ZNF107: variants seen among roughly 807,000 people sequenced by gnomAD.
ZNF107 encodes the protein C2H2 type zinc-finger protein.
ZNF107 carries 19 observed loss-of-function variants against 12.3 expected under a neutral mutation model. The ratio of observed to expected loss-of-function variants is 1.55; its 90% CI spans 1.08 to 2.27. The LOEUF (loss-of-function observed/expected upper bound fraction) is 2.27, where lower values mean the gene tolerates loss of function less well. Among genes scored for constraint, ZNF107 ranks in the 30% most tolerant of loss-of-function variants. The pLI is 0.00. For missense variants in ZNF107, 958 were observed against 979.9 expected, an observed-to-expected ratio of 0.98 and a Z score of 0.30; for synonymous variants, 317 against 330.5, an observed-to-expected ratio of 0.96 and a Z score of 0.44.
rs539431495 is a variant in ZNF107 at position 64,692,619 on chromosome 7, G to A, written c.226+659G>A. ...TATAGATCACTTTGGAAAACATGGT[G>A]CTTTATCAATATTTATTATTTCAAT... is the stretch of plus-strand genomic sequence containing the variant. On this transcript the variant is annotated intron_variant, in intron 3 of 3. Transcript: ENST00000620827. Among the ~76,000 whole-genome samples the A allele has an allele frequency of 1.2e-3, 176 of 151,954 alleles. 1 individual carries two copies. The highest frequency in any genetic ancestry group is 2.3e-3 in the Admixed American group (35 of 15,268).
At chr7:64,671,958 T>G (rs1158244995) in intron 1 of ZNF107, among the ~76,000 whole-genome samples, 2 of 151,936 alleles carry the variant, frequency 1.3e-5, no homozygotes, top group Non-Finnish European at 1.5e-5. Flanking sequence ...AATTTTTTTT[T>G]GTATTTTTTA....
chr7:64,671,023 T>C (rs73361877), intron 1 of ZNF107, among the ~76,000 whole-genome samples: 7,132 of 152,218 alleles, frequency 0.047, 449 homozygotes, highest in African/African-American at 0.14. Context: ...TGTTAAACAA[T>C]GTGTTAGTTT....
At chr7:64,679,924 C>G (rs1278814272) in intron 1 of ZNF107, among the ~76,000 whole-genome samples, 1 of 152,066 alleles carries the variant, frequency 6.6e-6, no homozygotes, top group Admixed American at 6.6e-5. Context: ...CTCAAATTCT[C>G]CTTCTGTCCC....
At chr7:64,684,804 T>C (rs751086582) in intron 1 of ZNF107, 82 of 874,722 alleles carry the variant, frequency 9.4e-5, no homozygotes, top group Non-Finnish European at 1.1e-4. Flanking sequence ...TCACTCTTTA[T>C]CTATCCCTCC....
rs1370431159 is a variant in ZNF107 at position 64,707,775 on chromosome 7, A to C, written c.1678A>C (p.Thr560Pro). The C allele has an allele frequency of 6.2e-7, 1 of 1,611,848 alleles. No individual in the cohort carries two copies. Among genetic ancestry groups the C allele is most frequent in the Non-Finnish European group, 8.5e-7 (1 of 1,179,412 alleles). Residue 560 changes from threonine to proline, a missense_variant, in exon 4 of 4, where the codon ACT becomes CCT. Coordinates refer to ENST00000620827, the MANE Select transcript of ZNF107 (RefSeq NM_001282359.2). ...CCTTACTAAACATAAGAGAATTCAT[A>C]CTGGAGAAAAACCCTATAAATGTGA... ...STLTKHKRIH[T>P]GEKPYKCEEC...
intron 1 of ZNF107, among the ~76,000 whole-genome samples, chr7:64,666,892 C>T (rs1789027042): frequency 2.8e-5 from 4 of 141,812 alleles, no homozygotes; most frequent in Non-Finnish European, 6.0e-5. Flanking sequence ...GGTAGAGTTA[C>T]GTAGTTTCTT....
intron 3 of ZNF107, among the ~76,000 whole-genome samples, chr7:64,695,778 G>A (rs559334598): frequency 3.3e-5 from 5 of 152,226 alleles, no homozygotes; most frequent in Admixed American, 6.5e-5. Context: ...TGTGTTTAAC[G>A]ATGAATTTAT....
chr7:64,687,199 A>G (rs1490520075), intron 1 of ZNF107: 1 of 986,140 alleles, frequency 1.0e-6, no homozygotes, highest in Non-Finnish European at 1.2e-6. Flanking sequence ...TTACTATCCC[A>G]TGGTGTCTGT....
At chr7:64,679,433 A>G (rs939013005) in intron 1 of ZNF107, 108 of 916,388 alleles carry the variant, frequency 1.2e-4, no homozygotes, top group Non-Finnish European at 1.3e-4. Context: ...GTCATGGATT[A>G]TCTCTGGGAA....
At chr7:64,680,866 G>A (rs1175157635) in intron 1 of ZNF107, among the ~76,000 whole-genome samples, 3 of 152,174 alleles carry the variant, frequency 2.0e-5, no homozygotes, top group East Asian at 1.9e-4. Context: ...TGCCTCCGCC[G>A]TAAGACGAAC....
rs1197865184 is a variant in ZNF107, at chr7:64,666,161, C to T, written c.-122C>T. 1 of 1,381,498 alleles carries T rather than the reference C, an allele frequency of 7.2e-7. No individual in the cohort carries two copies. The highest frequency in any genetic ancestry group is 1.8e-4 in the Middle Eastern group (1 of 5,438). The allele number at this position is 1,381,498 out of a possible 1,614,324, so 85.6% of individuals were successfully genotyped here. On this transcript the variant is annotated 5_prime_UTR_variant, in exon 1 of 4. Transcript: ENST00000620827. The stretch of plus-strand genomic sequence containing the variant: ...TTTGTCTCTGGCTGCAGCCGGAGCT[C>T]CTGCTCTCCTCCTCACTGCTCAGTG...
chr7:64,711,571 T>A lies in ZNF107; in HGVS notation c.*2915T>A, dbSNP rs74298837. ...AAATTCTGAGTTCTGAATAAACATT[T>A]AAAAAATGTTATATATTTTTCTTTG... On this transcript the variant is annotated 3_prime_UTR_variant, in exon 4 of 4. Transcript: ENST00000620827. The A allele has an allele frequency of 2.0e-5, 3 of 152,014 alleles. No individual in the cohort carries two copies. Among genetic ancestry groups the A allele is most frequent in the Non-Finnish European group, 4.4e-5 (3 of 68,026 alleles). 9.4% of individuals were successfully genotyped at this position (152,014 alleles called of 1,614,324 possible).
Position 64,707,124 on chromosome 7 carries a change from T to C in ZNF107, c.1027T>C (p.Cys343Arg), listed in dbSNP as rs10266866. Residue 343 changes from cysteine to arginine, a missense_variant, in exon 4 of 4, where the codon TGT becomes CGT. By Grantham distance (180) the Cys-to-Arg change is radical. Coordinates refer to ENST00000620827, the MANE Select transcript of ZNF107 (RefSeq NM_001282359.2). ...TCATGCTGGGGAGAAACCCTACAAA[T>C]GTAAAGAATGTGGCAGAGCTTTTAA... ...RIHAGEKPYK[C>R]KECGRAFNIS... 6.2e-7 allele frequency: 1 copy of C among 1,613,414 alleles called. No homozygotes were observed. The highest frequency in any genetic ancestry group is 8.5e-7 in the Non-Finnish European group (1 of 1,179,762).
chr7:64,707,216 A>G lies in ZNF107; in HGVS notation c.1119A>G (p.Glu373=). The change falls in exon 4 of 4, where the codon GAA becomes GAG. Residue 373 remains glutamate, a synonymous_variant. Transcript: ENST00000620827. The part of the protein sequence containing the change: ...HTGGKLNKCE[E]CDKAFNRSLK... ...GAGGGAAACTCAACAAATGTGAAGA[A>G]TGTGACAAAGCTTTTAACCGATCCT... is the stretch of plus-strand genomic sequence containing the variant. 1 of 1,613,726 alleles carries G rather than the reference A, an allele frequency of 6.2e-7. No individual in the cohort carries two copies. The highest frequency in any genetic ancestry group is 8.5e-7 in the Non-Finnish European group (1 of 1,179,802).
intron 1 of ZNF107, among the ~76,000 whole-genome samples, chr7:64,670,307 G>A (rs771596193): frequency 6.6e-6 from 1 of 151,958 alleles, no homozygotes; most frequent in Non-Finnish European, 1.5e-5. Flanking sequence ...AGCAAAGAAG[G>A]TTAGAAAGAA....
In ZNF107 at chr7:64,709,451, T is replaced by G. The variant is rs1790812235; in HGVS notation, c.*795T>G. The G allele has an allele frequency of 2.9e-6, 1 of 342,928 alleles. No individual in the cohort carries two copies. The highest frequency in any genetic ancestry group is 2.2e-5 in the African/African-American group (1 of 45,720). 21.2% of individuals were successfully genotyped at this position (342,928 alleles called of 1,614,324 possible). On this transcript the variant is annotated 3_prime_UTR_variant, in exon 4 of 4. Transcript: ENST00000620827. ...CTAAACATAAGATAATACTGAAAACTTTACAAACCTGAATGATGTGACAAT... is the reference window on the plus strand; with the variant it reads ...CTAAACATAAGATAATACTGAAAACGTTACAAACCTGAATGATGTGACAAT...
intron 3 of ZNF107, among the ~76,000 whole-genome samples, chr7:64,696,265 C>T (rs1008485895): frequency 9.9e-5 from 15 of 152,150 alleles, no homozygotes; most frequent in African/African-American, 3.6e-4. Flanking sequence ...GCTGGCCAGG[C>T]TGGTCTCGAA....
rs1359931016 is a variant in ZNF107, at chr7:64,684,791, TACTC to T, written c.4-6452_4-6449del. On this transcript the variant is annotated intron_variant, in intron 1 of 3. Transcript: ENST00000620827. Reference sequence around the variant, plus strand: ...GATGAGACGCCTCTGTTTACCTTCCTACTCACTCTTTATCTATCCCTCCTGCTCC... The same window carrying T: ...GATGAGACGCCTCTGTTTACCTTCCTACTCTTTATCTATCCCTCCTGCTCC... 6 of 922,090 alleles carry T rather than the reference TACTC, an allele frequency of 6.5e-6. No homozygotes were observed. The Admixed American group carries it at 2.5e-4, about 38-fold the overall frequency. 57.1% of individuals were successfully genotyped at this position (922,090 alleles called of 1,614,324 possible). A position where few individuals can be genotyped will look rare whatever the true frequency, so the allele number is the denominator to read the frequency against.
intron 1 of ZNF107, among the ~76,000 whole-genome samples, chr7:64,667,425 T>TA (rs35912337): frequency 6.6e-6 from 1 of 151,600 alleles, no homozygotes; most frequent in Non-Finnish European, 1.5e-5. Context: ...CACTGTATTG[T>TA]AAAAAAAAGT....
Sources: gnomAD v4.1 joint callset for allele counts (sites outside exome capture counted in the v4.1 genomes callset) on GRCh38, gnomAD v4.1.1 for gene constraint, MANE v1.5 for transcripts, NCBI Gene and HGNC (gene_info 2026-07-23, HGNC 2026-07-21) for gene names.